RYR2: variants seen among roughly 807,000 people sequenced by gnomAD.
RYR2 encodes cardiac muscle ryanodine receptor-calcium release channel.
In RYR2, 227 loss-of-function variants were observed where a neutral mutation model predicts 601.1. The observed-to-expected ratio is 0.38, with a 90% CI of 0.34 to 0.42. The LOEUF is 0.42. Ranked by LOEUF, RYR2 falls within the 10% of genes least tolerant of loss-of-function variation. The pLI is 1.00. For synonymous variants in RYR2, 2,223 were observed against 2,175.1 expected, an observed-to-expected ratio of 1.02 and a Z score of -0.61; for missense variants, 4,646 against 6,156.5, an observed-to-expected ratio of 0.75 and a Z score of 8.21.
At position 237,565,159 on chromosome 1, in the gene RYR2, CTT is replaced by C. The variant is rs1559035447; in HGVS notation, c.3215-1406_3215-1405del. 3.0e-4 allele frequency among the ~76,000 whole-genome samples: 14 copies of C among 46,542 alleles called. 1 individual carries two copies. Among genetic ancestry groups the C allele is most frequent in the Middle Eastern group, 0.016 (1 of 62 alleles). The allele number at this position is 46,542 out of a possible 152,430, so 30.5% of individuals were successfully genotyped here. On this transcript the variant is annotated intron_variant, in intron 27 of 104. Transcript: ENST00000366574. ...TCTTTCTTTTTCTTTCTTTCTTTCT[CTT>C]TCTTTCTTTCTTTCTTTCTTTCTTT...
chr1:237,286,441 T>C (rs1020739184), intron 2 of RYR2, among the ~76,000 whole-genome samples: 1 of 151,622 alleles, frequency 6.6e-6, no homozygotes, highest in South Asian at 2.1e-4. Context: ...TGCCCTATCA[T>C]ATGGTCTATC....
chr1:237,794,380 A>C (rs1279274468), intron 95 of RYR2, among the ~76,000 whole-genome samples: 1 of 152,178 alleles, frequency 6.6e-6, no homozygotes, highest in Non-Finnish European at 1.5e-5. Flanking sequence ...AGGAAAATGC[A>C]TTGAATTTTA....
chr1:237,589,954 A>C lies in RYR2; in HGVS notation c.3760A>C (p.Arg1254=). 1 of 1,613,932 alleles carries C rather than the reference A, an allele frequency of 6.2e-7. No homozygotes were observed. The highest frequency in any genetic ancestry group is 8.5e-7 in the Non-Finnish European group (1 of 1,179,872). ...GGATATTACCATGTGGCTGAGCAAG[A>C]GGCTTCCTCAGTTTCTTCAAGTTCC... The part of the protein sequence containing the change: ...NRDITMWLSK[R]LPQFLQVPSN... The change falls in exon 30 of 105, where the codon AGG becomes CGG. Residue 1254 remains arginine (R), a synonymous_variant. Transcript: ENST00000366574.
At chr1:237,491,171 C>T (rs910725951) in intron 17 of RYR2, among the ~76,000 whole-genome samples, 1 of 152,022 alleles carries the variant, frequency 6.6e-6, no homozygotes, top group African/African-American at 2.4e-5. Flanking sequence ...CTAAAAATAC[C>T]ACGATTTTTA....
Position 237,625,817 on chromosome 1 carries a change from A to G in RYR2, c.6166+13A>G, listed in dbSNP as rs377183132. ...TCCAAAAAGTCCTGTAAGCAGTATG[A>G]GAGTGCACTGGCAGAATGACCCAAC... On this transcript the variant is annotated intron_variant, in intron 40 of 104. Transcript: ENST00000366574. 3.7e-6 allele frequency: 6 copies of G among 1,612,258 alleles called. No homozygotes were observed. The highest frequency in any genetic ancestry group is 5.1e-6 in the Non-Finnish European group (6 of 1,179,128).
Position 237,550,703 on chromosome 1 carries a change from T to C in RYR2, c.3214+12T>C. ...AGATCAAGATCATGGTATTTTGGTT[T>C]TACTTTCCTCTTCTTCGGTTGCAAG... is the stretch of plus-strand genomic sequence containing the variant. On this transcript the variant is annotated intron_variant, in intron 27 of 104. Transcript: ENST00000366574. 2.6e-6 allele frequency: 4 copies of C among 1,539,248 alleles called. No individual in the cohort carries two copies. Among genetic ancestry groups the C allele is most frequent in the Non-Finnish European group, 3.5e-6 (4 of 1,142,454 alleles).
intron 72 of RYR2, 107 bp downstream of exon 72, chr1:237,717,475 T>A (rs1395439853): frequency 2.5e-5 from 24 of 969,510 alleles, no homozygotes; most frequent in Middle Eastern, 6.8e-4. Context: ...TTGCATTACA[T>A]GTTTTATTAA....
At chr1:237,651,897 C>T (rs752620508) in intron 51 of RYR2, among the ~76,000 whole-genome samples, 19 of 152,036 alleles carry the variant, frequency 1.2e-4, no homozygotes, top group Admixed American at 3.3e-4. Context: ...ATTAGCCGGA[C>T]GTGGTGGTGG....
chr1:237,287,305 A>T (rs964085052), intron 2 of RYR2, among the ~76,000 whole-genome samples: 3 of 152,110 alleles, frequency 2.0e-5, no homozygotes, highest in African/African-American at 7.2e-5. Flanking sequence ...GATCTTTTTG[A>T]GATGAATTTC....
chr1:237,084,478 G>A (rs1465051822), intron 1 of RYR2, among the ~76,000 whole-genome samples: 2 of 152,134 alleles, frequency 1.3e-5, no homozygotes, highest in East Asian at 3.9e-4. Flanking sequence ...AGGCAGCAAG[G>A]TGACTAGGCA....
At chr1:237,244,442 G>A (rs983682104) in intron 1 of RYR2, among the ~76,000 whole-genome samples, 7 of 152,028 alleles carry the variant, frequency 4.6e-5, no homozygotes, top group African/African-American at 1.2e-4. Context: ...TATCAGTCAC[G>A]TGTAGAGTAA....
At chr1:237,534,066 A>G (rs1053860459) in intron 25 of RYR2, among the ~76,000 whole-genome samples, 1 of 152,142 alleles carries the variant, frequency 6.6e-6, no homozygotes. Context: ...AAGATAATTT[A>G]TGATATACAG....
intron 25 of RYR2, among the ~76,000 whole-genome samples, chr1:237,545,797 T>C (rs969713227): frequency 6.6e-6 from 1 of 150,868 alleles, no homozygotes; most frequent in African/African-American, 2.4e-5. Context: ...TGGTGGCTCA[T>C]GCCTGTAATC....
At chr1:237,131,527 A>G (rs1672172011) in intron 1 of RYR2, among the ~76,000 whole-genome samples, 1 of 152,170 alleles carries the variant, frequency 6.6e-6, no homozygotes, top group Admixed American at 6.5e-5. Flanking sequence ...GCTATGATTA[A>G]TAAGTTGAAG....
At chr1:237,370,408 A>G (rs977671046) in intron 6 of RYR2, among the ~76,000 whole-genome samples, 12 of 152,092 alleles carry the variant, frequency 7.9e-5, no homozygotes, top group Non-Finnish European at 1.0e-4. Flanking sequence ...TAGAGAAAAA[A>G]TATTAAGAAT....
chr1:237,209,345 C>T (rs1682298349), intron 1 of RYR2, among the ~76,000 whole-genome samples: 1 of 151,888 alleles, frequency 6.6e-6, no homozygotes, highest in South Asian at 2.1e-4. Context: ...CTAGCTACAT[C>T]ACATTTGCTC....
At position 237,618,461 on chromosome 1, in the gene RYR2, C is replaced by T. The variant is rs1678719027; in HGVS notation, c.5916+975C>T. ...TAGAGAGAAGAAGAGAGGTTGGCTACAGAACTCAGGACCCAAGGAACAACA... is the reference window on the plus strand; with the variant it reads ...TAGAGAGAAGAAGAGAGGTTGGCTATAGAACTCAGGACCCAAGGAACAACA... On this transcript the variant is annotated intron_variant, in intron 38 of 104. Transcript: ENST00000366574. Among the ~76,000 whole-genome samples the T allele has an allele frequency of 2.6e-5, 4 of 152,234 alleles. No homozygotes were observed. The South Asian group carries it at 8.3e-4, about 32-fold the overall frequency.
In RYR2 at chr1:237,709,024, A is replaced by T; in HGVS notation, c.10068A>T (p.Leu3356=). The T allele has an allele frequency of 6.2e-7, 1 of 1,611,292 alleles. No individual in the cohort carries two copies. Among genetic ancestry groups the T allele is most frequent in the Non-Finnish European group, 8.5e-7 (1 of 1,177,434 alleles). The part of the protein sequence containing the change: ...GDMSEAELLI[L]DEFTTLARDL... The stretch of plus-strand genomic sequence containing the variant: ...TGTCGGAGGCAGAACTCCTCATCCT[A>T]GATGAGTTCACCACACTGGCCAGAG... Residue 3356 remains leucine, a synonymous_variant, in exon 69 of 105, where the codon CTA becomes CTT. Coordinates refer to ENST00000366574, the MANE Select transcript of RYR2 (RefSeq NM_001035.3).
chr1:237,226,680 G>T (rs1321322820), intron 1 of RYR2, among the ~76,000 whole-genome samples: 1 of 152,148 alleles, frequency 6.6e-6, no homozygotes, highest in Non-Finnish European at 1.5e-5. Flanking sequence ...ACTTAAAAGC[G>T]CTGACAGTGT....
Sources: allele counts gnomAD v4.1 joint callset (sites outside exome capture counted in the v4.1 genomes callset), GRCh38; gene constraint gnomAD v4.1.1; transcripts MANE v1.5; gene names NCBI Gene and HGNC (gene_info 2026-07-23, HGNC 2026-07-21).